The following CCSER1 variants were observed in gnomAD, a reference collection of about 807,000 sequenced individuals.
CCSER1 encodes the protein coiled-coil serine rich protein 1.
A neutral mutation model predicts 82.0 loss-of-function variants in CCSER1; 41 were observed. That is an observed-to-expected ratio of 0.50 (90% confidence interval 0.39 to 0.65). The LOEUF (loss-of-function observed/expected upper bound fraction) is 0.65. CCSER1 is among the 30% of genes least tolerant of loss of function. CCSER1 has a pLI of 0.00. For synonymous variants in CCSER1, 414 were observed against 383.9 expected (o/e 1.08, Z -0.92); for missense variants, 1,119 against 1,064.2 (o/e 1.05, Z -0.72).
At chr4:90,839,901 T>C (rs1235499910) in intron 8 of CCSER1, among the ~76,000 whole-genome samples, 2 of 152,178 alleles carry the variant, frequency 1.3e-5, no homozygotes, top group Non-Finnish European at 2.9e-5. Flanking sequence ...GTATATTTAT[T>C]CTCTCATCTT....
chr4:90,214,342 G>A (rs1740624268), intron 1 of CCSER1, among the ~76,000 whole-genome samples: 1 of 152,152 alleles, frequency 6.6e-6, no homozygotes. Context: ...GATAATAGGA[G>A]AAGGTGTTGG....
chr4:90,557,485 G>A (rs759981261), intron 5 of CCSER1, among the ~76,000 whole-genome samples: 47 of 151,952 alleles, frequency 3.1e-4, no homozygotes, highest in Non-Finnish European at 5.7e-4. Context: ...TTAGACTGGT[G>A]GGTACACTTT....
intron 5 of CCSER1, among the ~76,000 whole-genome samples, chr4:90,561,818 T>G (rs1778788680): frequency 6.6e-6 from 1 of 152,188 alleles, no homozygotes; most frequent in South Asian, 2.1e-4. Flanking sequence ...CATAACTATT[T>G]TTACTTTATT....
At chr4:90,699,648 A>G (rs182999931) in intron 6 of CCSER1, among the ~76,000 whole-genome samples, 210 of 152,294 alleles carry the variant, frequency 1.4e-3, no homozygotes, top group African/African-American at 3.8e-3. Flanking sequence ...CCCTTCAGGA[A>G]AAAATGTACA....
chr4:91,252,663 C>T (rs1740341212), intron 10 of CCSER1, among the ~76,000 whole-genome samples: 1 of 152,002 alleles, frequency 6.6e-6, no homozygotes. Flanking sequence ...ATTCTGTGAC[C>T]TTGCCAACCA....
intron 7 of CCSER1, among the ~76,000 whole-genome samples, chr4:90,779,640 A>G (rs192819503): frequency 1.3e-5 from 2 of 152,322 alleles, no homozygotes; most frequent in African/African-American, 4.8e-5. Context: ...ATTCTGTAGC[A>G]GTCACCTTGG....
rs538619059 is a variant in CCSER1 at position 90,781,200 on chromosome 4, G to A, written c.2011-34562G>A. On this transcript the variant is annotated intron_variant, in intron 7 of 10. Coordinates refer to ENST00000509176, the MANE Select transcript of CCSER1 (RefSeq NM_001145065.2). Reference sequence around the variant, plus strand: ...CACTGGGGATCACAACTCGACATGAGATTTGAGCAGAGACAAATTTCCAAA... The same window carrying A: ...CACTGGGGATCACAACTCGACATGAAATTTGAGCAGAGACAAATTTCCAAA... The A allele has an allele frequency of 6.6e-6, 6 of 913,602 alleles. No individual in the cohort carries two copies. In the East Asian group the frequency reaches 4.7e-4, roughly 72 times the overall value. The allele number at this position is 913,602 out of a possible 1,614,324, so 56.6% of individuals were successfully genotyped here.
chr4:90,593,676 ATAT>A (rs34423428), intron 5 of CCSER1, among the ~76,000 whole-genome samples: 67,324 of 151,356 alleles, frequency 0.44, 18,912 homozygotes, highest in African/African-American at 0.8. Flanking sequence ...TGCACTGTAT[ATAT>A]TATTGTTGTA....
At chr4:90,176,272 G>C (rs115764663) in intron 1 of CCSER1, among the ~76,000 whole-genome samples, 1 of 151,954 alleles carries the variant, frequency 6.6e-6, no homozygotes, top group Non-Finnish European at 1.5e-5. Context: ...AGGAAAAAGA[G>C]TTATAAACGT....
intron 6 of CCSER1, among the ~76,000 whole-genome samples, chr4:90,668,552 T>C (rs1732216823): frequency 6.6e-6 from 1 of 152,152 alleles, no homozygotes; most frequent in Admixed American, 6.6e-5. Flanking sequence ...ATCAGAGTAT[T>C]ATATGCTGAG....
At chr4:91,029,338 G>C (rs750225708) in intron 9 of CCSER1, among the ~76,000 whole-genome samples, 2 of 151,502 alleles carry the variant, frequency 1.3e-5, no homozygotes, top group Non-Finnish European at 1.5e-5. Flanking sequence ...TTATATACTC[G>C]AGGCAAAACT....
chr4:90,589,012 T>G (rs958476674), intron 5 of CCSER1, among the ~76,000 whole-genome samples: 2 of 151,764 alleles, frequency 1.3e-5, no homozygotes, highest in East Asian at 1.9e-4. Context: ...AGTTGAACTA[T>G]TATTATAATG....
rs1737198180 is a variant in CCSER1 at position 90,993,313 on chromosome 4, G to T, written c.2172+69866G>T. Among the ~76,000 whole-genome samples, 3 of 152,016 alleles carry T rather than the reference G, an allele frequency of 2.0e-5. No homozygotes were observed. The South Asian group carries it at 6.2e-4, about 32-fold the overall frequency. On this transcript the variant is annotated intron_variant, in intron 9 of 10. Coordinates refer to ENST00000509176, the MANE Select transcript of CCSER1 (RefSeq NM_001145065.2). ...CAGTGTGCATGGGACACAAACCTGAGATTGTGATTTAATTATTCTCGGGTG... is the reference window on the plus strand; with the variant it reads ...CAGTGTGCATGGGACACAAACCTGATATTGTGATTTAATTATTCTCGGGTG...
intron 10 of CCSER1, among the ~76,000 whole-genome samples, chr4:91,498,874 TAC>T (rs1759065802): frequency 6.6e-6 from 1 of 151,982 alleles, no homozygotes; most frequent in African/African-American, 2.4e-5. Context: ...ATAACTACAA[TAC>T]AGTTATACAT....
rs533547211 is a variant in CCSER1 at position 90,855,139 on chromosome 4, T to C, written c.2094+39294T>C. ...CTCCCACCAGGTCCCTCCACCAACA[T>C]TGGAAATTACAATTCAACATGAGAT... On this transcript the variant is annotated intron_variant, in intron 8 of 10. Transcript: ENST00000509176. Among the ~76,000 whole-genome samples, 11 of 152,148 alleles carry C rather than the reference T, an allele frequency of 7.2e-5. No individual in the cohort carries two copies. In the South Asian group the frequency reaches 2.1e-3, roughly 29 times the overall value.
chr4:91,490,511 G>A (rs1267772096), intron 10 of CCSER1, among the ~76,000 whole-genome samples: 2 of 152,010 alleles, frequency 1.3e-5, no homozygotes, highest in Non-Finnish European at 2.9e-5. Flanking sequence ...AACTTCACGT[G>A]TTATCATTCA....
At chr4:91,328,424 AACTC>A (rs1746717191) in intron 10 of CCSER1, among the ~76,000 whole-genome samples, 1 of 152,124 alleles carries the variant, frequency 6.6e-6, no homozygotes, top group South Asian at 2.1e-4. Context: ...ACCTTGTGAA[AACTC>A]ACTCACTATC....
intron 5 of CCSER1, among the ~76,000 whole-genome samples, chr4:90,583,493 TTCTGTGAATTCTGTATAAGAATTCAC>T (rs1237194267): frequency 3.9e-5 from 6 of 152,258 alleles, no homozygotes; most frequent in South Asian, 4.1e-4. Flanking sequence ...TGAGGTATAC[TTCTGTGAATTCTGTATAAGAATTCAC>T]TTTAGAAATA....
At chr4:90,904,914 C>T (rs1392145768) in intron 8 of CCSER1, among the ~76,000 whole-genome samples, 1 of 152,076 alleles carries the variant, frequency 6.6e-6, no homozygotes, top group Non-Finnish European at 1.5e-5. Context: ...TTCGCCCATT[C>T]ATCCCATCTC....
Sources: allele counts gnomAD v4.1 joint callset (sites outside exome capture counted in the v4.1 genomes callset), GRCh38; gene constraint gnomAD v4.1.1; transcripts MANE v1.5; gene names NCBI Gene and HGNC (gene_info 2026-07-23, HGNC 2026-07-21).